The following UNC13D variants were observed in gnomAD, a reference collection of about 807,000 sequenced individuals.
UNC13D encodes unc-13 homolog D.
Under a neutral mutation model 151.7 loss-of-function variants are expected in UNC13D, and 115 were observed. The observed-to-expected ratio is 0.76, with a 90% CI of 0.65 to 0.88. The LOEUF (loss-of-function observed/expected upper bound fraction) is 0.88, where lower values mean the gene tolerates loss of function less well. Ranked by LOEUF, UNC13D falls within the 40% of genes least tolerant of loss-of-function variation. UNC13D has a pLI of 0.00. For synonymous variants in UNC13D, 588 were observed against 612.2 expected, an observed-to-expected ratio of 0.96 and a Z score of 0.58; for missense variants, 1,369 against 1,438.7, an observed-to-expected ratio of 0.95 and a Z score of 0.78.
At chr17:75,843,106 G>A (rs749478782) in intron 3 of UNC13D, 33 bp from the exon 4 acceptor site, 3 of 1,608,266 alleles carry the variant, frequency 1.9e-6, no homozygotes, top group Non-Finnish European at 2.5e-6. Context: ...GGTGGCTGGG[G>A]GCACCAGACA....
intron 12 of UNC13D, among the ~76,000 whole-genome samples, chr17:75,837,484 T>G (rs1366006345): frequency 6.6e-6 from 1 of 151,570 alleles, no homozygotes; most frequent in Non-Finnish European, 1.5e-5. Flanking sequence ...CTGGGCACAG[T>G]GGCTCACACC....
rs771084957 is a variant in UNC13D at position 75,843,032 on chromosome 17, C to T, written c.303G>A (p.Gln101=). The T allele has an allele frequency of 6.2e-7, 1 of 1,607,222 alleles. No individual in the cohort carries two copies. The highest frequency in any genetic ancestry group is 1.1e-5 in the South Asian group (1 of 90,976). ...AGGTTACCTCAAGCTCCCTGACCCG[C>T]TGCAGTGTCTGCTGGTGCTCCTCGG... is the stretch of plus-strand genomic sequence containing the variant. ...VEPEEHQQTL[Q]RVRELEKPIF... Residue 101 remains glutamine (Q), a synonymous_variant, in exon 4 of 32, where the codon CAG becomes CAA. Coordinates refer to ENST00000207549, the MANE Select transcript of UNC13D (RefSeq NM_199242.3).
rs749137540 is a variant in UNC13D at position 75,839,958 on chromosome 17, G to A, written c.952-16C>T. 1.2e-6 allele frequency: 2 copies of A among 1,613,682 alleles called. No individual in the cohort carries two copies. Among genetic ancestry groups the A allele is most frequent in the Non-Finnish European group, 8.5e-7 (1 of 1,179,978 alleles). ...TGCTTCCCGCCTGAGGGGAGCAGGT[G>A]GAGGAGTGTCAGGACCTGAAGGGCA... On this transcript the variant is annotated splice_polypyrimidine_tract_variant and intron_variant, in intron 11 of 31. Coordinates refer to ENST00000207549, the MANE Select transcript of UNC13D (RefSeq NM_199242.3).
Position 75,827,423 on chromosome 17 carries a change from C to T in UNC13D, c.*542G>A. On this transcript the variant is annotated 3_prime_UTR_variant, in exon 32 of 32. Transcript: ENST00000207549. ...CCAGAAGGTTCTTGGCTCCAGGCTT[C>T]CTGGCCTGGATGCTGGCAGCCCCTG... 7.0e-7 allele frequency: 1 copy of T among 1,419,154 alleles called. No homozygotes were observed. The highest frequency in any genetic ancestry group is 1.4e-5 in the African/African-American group (1 of 69,516). The allele number at this position is 1,419,154 out of a possible 1,614,324, so 87.9% of individuals were successfully genotyped here.
intron 23 of UNC13D, 55 bp downstream of exon 23, chr17:75,834,270 C>T (rs1310965021): frequency 2.5e-6 from 4 of 1,583,948 alleles, no homozygotes; most frequent in African/African-American, 2.7e-5. Context: ...GCTGCTGGAG[C>T]CAGGTAGGCT....
Position 75,840,156 on chromosome 17 carries a change from A to C in UNC13D, c.859-46T>G. On this transcript the variant is annotated intron_variant, in intron 10 of 31. Coordinates refer to ENST00000207549, the MANE Select transcript of UNC13D (RefSeq NM_199242.3). The surrounding 1 kb of genome is among the most constrained non-coding windows in gnomAD (Gnocchi z 4.6). ...GCAGACAGGGCCTCACACTGGGTGC[A>C]GCCAGCCCCGCAACCCAGCAGACCG... is the stretch of plus-strand genomic sequence containing the variant. 6.2e-7 allele frequency: 1 copy of C among 1,611,474 alleles called. No individual in the cohort carries two copies. Among genetic ancestry groups the C allele is most frequent in the Non-Finnish European group, 8.5e-7 (1 of 1,178,792 alleles).
chr17:75,833,009 G>T lies in UNC13D; in HGVS notation c.2404C>A (p.Leu802Ile). ...ACCAAGTTGGTGTTCATGTAGCAAA[G>T]CTCCACCTCCAGGAACTTCATCAGG... ...LPLMKFLEVELCYMNTNLVQE... is the reference protein window; with the variant it reads ...LPLMKFLEVEICYMNTNLVQE... Residue 802 changes from leucine (L) to isoleucine (I), a missense_variant, in exon 25 of 32, where the codon CTT becomes ATT. By Grantham distance (5) the Leu-to-Ile change is conservative. Transcript: ENST00000207549. This position sits in a 1 kb window ranked among gnomAD's most constrained non-coding sequence, Gnocchi z 4.0. The T allele has an allele frequency of 6.2e-7, 1 of 1,604,418 alleles. No individual in the cohort carries two copies. The highest frequency in any genetic ancestry group is 1.1e-5 in the South Asian group (1 of 88,606).
chr17:75,842,738 G>T, intron 5 of UNC13D, 119 bp downstream of exon 5: 2 of 1,588,178 alleles, frequency 1.3e-6, no homozygotes, highest in Non-Finnish European at 1.7e-6. Flanking sequence ...GCAGCATGGG[G>T]GGCCAGCGCT....
intron 1 of UNC13D, 152 bp downstream of exon 1, chr17:75,844,069 C>G: frequency 6.8e-7 from 1 of 1,470,484 alleles, no homozygotes; most frequent in Non-Finnish European, 9.1e-7. Flanking sequence ...CTCTGCTGGC[C>G]CAGGGGGCTC....
chr17:75,838,461 T>G (rs1567820235), intron 12 of UNC13D, among the ~76,000 whole-genome samples: 1 of 151,908 alleles, frequency 6.6e-6, no homozygotes. Context: ...TCAAGTGATC[T>G]GCCTGTCTCG....
At position 75,834,665 on chromosome 17, in the gene UNC13D, G is replaced by C. The variant is rs755931780; in HGVS notation, c.2044C>G (p.Arg682Gly). 2 of 1,613,746 alleles carry C rather than the reference G, an allele frequency of 1.2e-6. No individual in the cohort carries two copies. Among genetic ancestry groups the C allele is most frequent in the Non-Finnish European group, 1.7e-6 (2 of 1,180,026 alleles). ...TCCTTCTGGCCTGAAGAGAGCTCGCGGGCCCGGGCCTTTATAAGGCTGCAG... is the reference window on the plus strand; with the variant it reads ...TCCTTCTGGCCTGAAGAGAGCTCGCCGGCCCGGGCCTTTATAAGGCTGCAG... ...VYCSLIKARA[R>G]ELSSGQKDQG... The change falls in exon 22 of 32, where the codon CGC becomes GGC. Residue 682 changes from arginine to glycine, a missense_variant. Coordinates refer to ENST00000207549, the MANE Select transcript of UNC13D (RefSeq NM_199242.3).
intron 12 of UNC13D, among the ~76,000 whole-genome samples, chr17:75,838,321 T>A (rs1215544000): frequency 6.6e-6 from 1 of 151,634 alleles, no homozygotes; most frequent in African/African-American, 2.4e-5. Context: ...CGGGTTCAAG[T>A]GATTCTCGTG....
rs1172790595 is a variant in UNC13D, at chr17:75,832,551, T to TGTG, written c.2447+414_2447+415insCAC. ...CCCTGCACCGTGGGCAGGGACCACCTGTAACCTAATGGGGGCAGAGGAGCA... is the reference window on the plus strand; with the variant it reads ...CCCTGCACCGTGGGCAGGGACCACCTGTGGTAACCTAATGGGGGCAGAGGAGCA... On this transcript the variant is annotated intron_variant, in intron 25 of 31. Coordinates refer to ENST00000207549, the MANE Select transcript of UNC13D (RefSeq NM_199242.3). The surrounding 1 kb of genome is among the most constrained non-coding windows in gnomAD (Gnocchi z 4.3). The TGTG allele has an allele frequency of 9.3e-5, 16 of 172,286 alleles. No individual in the cohort carries two copies. Among genetic ancestry groups the TGTG allele is most frequent in the African/African-American group, 3.1e-4 (13 of 42,428 alleles). The allele number at this position is 172,286 out of a possible 1,614,324, so 10.7% of individuals were successfully genotyped here. A position where few individuals can be genotyped will look rare whatever the true frequency, so the allele number is the denominator to read the frequency against.
At chr17:75,839,791 C>T (rs771636949) in intron 12 of UNC13D, 48 bp downstream of exon 12, 72 of 1,586,598 alleles carry the variant, frequency 4.5e-5, no homozygotes, top group East Asian at 1.1e-4. Flanking sequence ...GGGCAGGGGG[C>T]GTGGGGGGCT....
chr17:75,835,134 C>G (rs1395819648), intron 20 of UNC13D, 71 bp from the exon 21 acceptor site: 1 of 1,588,730 alleles, frequency 6.3e-7, no homozygotes, highest in African/African-American at 1.3e-5. Context: ...ATTCATAGAG[C>G]AGCTACCATC....
chr17:75,836,999 A>C, intron 12 of UNC13D, 81 bp from the exon 13 acceptor site: 1 of 749,054 alleles, frequency 1.3e-6, no homozygotes, highest in Non-Finnish European at 1.9e-6. Context: ...GGTGGGGGGA[A>C]TCGCCTCCCA....
chr17:75,834,372 C>T lies in UNC13D; in HGVS notation c.2251G>A (p.Gly751Arg), dbSNP rs778432670. ...LHAQLQSALA[G>R]LGHEIRTGVR... Reference sequence around the variant, plus strand: ...CCAGTGCGGATCTCATGGCCCAGCCCGGCCAGCGCGCTCTGCAGCTGGGCA... The same window carrying T: ...CCAGTGCGGATCTCATGGCCCAGCCTGGCCAGCGCGCTCTGCAGCTGGGCA... The change falls in exon 23 of 32, where the codon GGG becomes AGG. Residue 751 changes from glycine (G) to arginine (R), a missense_variant. Transcript: ENST00000207549. 23 of 1,593,284 alleles carry T rather than the reference C, an allele frequency of 1.4e-5. No individual in the cohort carries two copies. Among genetic ancestry groups the T allele is most frequent in the South Asian group, 4.4e-5 (4 of 90,146 alleles).
intron 1 of UNC13D, chr17:75,843,738 C>G (rs1027793606): frequency 7.0e-7 from 1 of 1,427,486 alleles, no homozygotes; most frequent in Non-Finnish European, 9.1e-7. Flanking sequence ...CCCAGCAGCG[C>G]GAGCCCTCCG....
At position 75,835,902 on chromosome 17, in the gene UNC13D, G is replaced by C. The variant is rs1279259389; in HGVS notation, c.1549C>G (p.Leu517Val). Residue 517 changes from leucine to valine, a missense_variant, in exon 18 of 32, where the codon CTC becomes GTC. Physicochemically the swap from Leu to Val is conservative, Grantham distance 32. This residue lies in a region of UNC13D where 807 missense variants were observed against 795.5 expected (regional missense o/e 1.01). Coordinates refer to ENST00000207549, the MANE Select transcript of UNC13D (RefSeq NM_199242.3). ...RTWDKIFHNT[L>V]KIHLFSMAFR... Reference sequence around the variant, plus strand: ...GCCATGGAGAAGAGGTGGATCTTGAGGGTACTGGAGGAAAGGCAGCAGGTG... The same window carrying C: ...GCCATGGAGAAGAGGTGGATCTTGACGGTACTGGAGGAAAGGCAGCAGGTG... 2.5e-6 allele frequency: 4 copies of C among 1,614,080 alleles called. No homozygotes were observed. The highest frequency in any genetic ancestry group is 1.7e-6 in the Non-Finnish European group (2 of 1,180,042).
Sources: gnomAD v4.1 joint callset for allele counts (sites outside exome capture counted in the v4.1 genomes callset) on GRCh38, gnomAD v4.1.1 for gene constraint, gnomAD v4.1.1 regional missense constraint, Gnocchi (gnomAD v3.1) non-coding constraint, MANE v1.5 for transcripts, NCBI Gene and HGNC (gene_info 2026-07-23, HGNC 2026-07-21) for gene names.